MAP2K1: variants seen among roughly 807,000 people sequenced by gnomAD.
MAP2K1 encodes mitogen-activated protein kinase kinase 1, also known as dual specificity mitogen-activated protein kinase kinase 1.
Under a neutral mutation model 46.3 loss-of-function variants are expected in MAP2K1, and 16 were observed. The observed-to-expected ratio is 0.35, with a 90% CI of 0.23 to 0.52. The LOEUF (loss-of-function observed/expected upper bound fraction) is 0.52, where lower values mean the gene tolerates loss of function less well. Ranked by LOEUF, MAP2K1 falls within the 20% of genes least tolerant of loss-of-function variation. The pLI, the probability that MAP2K1 is intolerant of heterozygous loss-of-function variation, is 0.94. For synonymous variants in MAP2K1, 183 were observed against 185.6 expected, an observed-to-expected ratio of 0.99 and a Z score of 0.11; for missense variants, 263 against 497.1, an observed-to-expected ratio of 0.53 and a Z score of 4.48.
chr15:66,476,179 A>G (rs1258313116), intron 5 of MAP2K1, among the ~76,000 whole-genome samples: 2 of 152,186 alleles, frequency 1.3e-5, no homozygotes, highest in African/African-American at 4.8e-5. Context: ...TTCCTAGGGA[A>G]GCTTATGAGC....
chr15:66,443,427 A>G, intron 4 of MAP2K1, 70 bp downstream of exon 4: 1 of 961,942 alleles, frequency 1.0e-6, no homozygotes, highest in Non-Finnish European at 1.7e-6. Flanking sequence ...AGAAATGGAC[A>G]AGAGAGGAAG....
At chr15:66,472,686 A>ATTGTCAG (rs71287022) in intron 5 of MAP2K1, among the ~76,000 whole-genome samples, 8,560 of 152,336 alleles carry the variant, frequency 0.056, 345 homozygotes, top group Middle Eastern at 0.11. Context: ...CTGTCTTTAA[A>ATTGTCAG]TTGTCAAACA....
rs1893252002 is a variant in MAP2K1, at chr15:66,491,379, G to T, written c.*764G>T. 1 of 232,222 alleles carries T rather than the reference G, an allele frequency of 4.3e-6. No individual in the cohort carries two copies. Among genetic ancestry groups the T allele is most frequent in the Non-Finnish European group, 8.5e-6 (1 of 117,398 alleles). The allele number at this position is 232,222 out of a possible 1,614,324, so 14.4% of individuals were successfully genotyped here. On this transcript the variant is annotated 3_prime_UTR_variant, in exon 11 of 11. Transcript: ENST00000307102. ...AATTGATCAAGATATTAAAATGTCG[G>T]ATTTATCTTTCCCCATATCCAAGTA...
At chr15:66,430,077 C>T (rs2093471394) in intron 1 of MAP2K1, among the ~76,000 whole-genome samples, 1 of 152,132 alleles carries the variant, frequency 6.6e-6, no homozygotes, top group Non-Finnish European at 1.5e-5. Context: ...GGTAACTTAC[C>T]CAAGATCTCA....
At chr15:66,408,468 G>A (rs1178065591) in intron 1 of MAP2K1, among the ~76,000 whole-genome samples, 1 of 152,134 alleles carries the variant, frequency 6.6e-6, no homozygotes, top group Admixed American at 6.5e-5. Context: ...TGCCTGACAG[G>A]CCCCACCCAG....
At chr15:66,456,704 A>T (rs1892173651) in intron 5 of MAP2K1, among the ~76,000 whole-genome samples, 1 of 152,156 alleles carries the variant, frequency 6.6e-6, no homozygotes, top group East Asian at 1.9e-4. Flanking sequence ...TGGCTGGACC[A>T]TTCACTGTGT....
At chr15:66,486,172 A>AT (rs1893034710) in intron 7 of MAP2K1, among the ~76,000 whole-genome samples, 3 of 152,328 alleles carry the variant, frequency 2.0e-5, no homozygotes, top group African/African-American at 7.2e-5. Flanking sequence ...AAGTGGTGGG[A>AT]TTATAGGCAT....
chr15:66,469,508 A>C (rs556432093), intron 5 of MAP2K1, among the ~76,000 whole-genome samples: 122 of 93,000 alleles, frequency 1.3e-3, no homozygotes, highest in Non-Finnish European at 1.9e-3. Context: ...TTGTTGAGGA[A>C]CTCCAGGCTA....
At chr15:66,471,650 TA>T (rs1033949293) in intron 5 of MAP2K1, among the ~76,000 whole-genome samples, 5 of 63,962 alleles carry the variant, frequency 7.8e-5, no homozygotes, top group African/African-American at 2.0e-4. Flanking sequence ...GCTCAAACAA[TA>T]AAGATGATTT....
In MAP2K1 at chr15:66,387,329, C is replaced by G. The variant is rs972542026; in HGVS notation, c.-19C>G. 1.9e-6 allele frequency: 3 copies of G among 1,550,976 alleles called. No homozygotes were observed. In the African/African-American group the frequency reaches 4.1e-5, roughly 21 times the overall value. On this transcript the variant is annotated 5_prime_UTR_variant, in exon 1 of 11. Coordinates refer to ENST00000307102, the MANE Select transcript of MAP2K1 (RefSeq NM_002755.4). ...GCTGCCCTCCCCCCGGAGTTGGAAGCGCGTTACCCGGGTCCAAAATGCCCA... is the reference window on the plus strand; with the variant it reads ...GCTGCCCTCCCCCCGGAGTTGGAAGGGCGTTACCCGGGTCCAAAATGCCCA...
chr15:66,413,407 C>T (rs1595846839), intron 1 of MAP2K1, among the ~76,000 whole-genome samples: 1 of 152,292 alleles, frequency 6.6e-6, no homozygotes, highest in East Asian at 1.9e-4. Flanking sequence ...AGACTTAGGG[C>T]AACTAACCTG....
chr15:66,389,572 G>GGT (rs1566992630), intron 1 of MAP2K1, among the ~76,000 whole-genome samples: 1 of 86,968 alleles, frequency 1.1e-5, no homozygotes, highest in Middle Eastern at 8.2e-3. Context: ...CTCTGTTGTG[G>GGT]TTTTTTTTTT....
intron 1 of MAP2K1, among the ~76,000 whole-genome samples, chr15:66,397,841 C>T (rs1331913064): frequency 2.6e-5 from 4 of 152,228 alleles, no homozygotes; most frequent in Non-Finnish European, 4.4e-5. Context: ...CGGTGGCTCA[C>T]GCCTGTAATC....
At chr15:66,475,750 A>T (rs1482029284) in intron 5 of MAP2K1, among the ~76,000 whole-genome samples, 1 of 152,188 alleles carries the variant, frequency 6.6e-6, no homozygotes, top group Non-Finnish European at 1.5e-5. Flanking sequence ...GAACGAGTCC[A>T]CGGGGCCTTG....
intron 1 of MAP2K1, among the ~76,000 whole-genome samples, chr15:66,418,666 A>ATT (rs1254305858): frequency 9.9e-5 from 14 of 142,124 alleles, no homozygotes; most frequent in African/African-American, 2.1e-4. Context: ...TGCTGACCAC[A>ATT]TTTTTTTTTT....
chr15:66,392,928 T>C (rs1243071607), intron 1 of MAP2K1, among the ~76,000 whole-genome samples: 1 of 152,186 alleles, frequency 6.6e-6, no homozygotes, highest in Non-Finnish European at 1.5e-5. Flanking sequence ...GTTCATTATT[T>C]CTCTTGGTTG....
intron 5 of MAP2K1, among the ~76,000 whole-genome samples, chr15:66,469,693 GACACAC>G (rs56197290): frequency 8.2e-5 from 7 of 84,868 alleles, no homozygotes; most frequent in Admixed American, 1.3e-4. Flanking sequence ...TCCTTTTAAA[GACACAC>G]ACACACACAC....
chr15:66,398,919 C>T (rs1394464932), intron 1 of MAP2K1, among the ~76,000 whole-genome samples: 2 of 151,920 alleles, frequency 1.3e-5, no homozygotes, highest in Non-Finnish European at 2.9e-5. Flanking sequence ...ATTACAGGCA[C>T]GTGCTACCAT....
intron 5 of MAP2K1, among the ~76,000 whole-genome samples, chr15:66,459,617 C>CAAA (rs11404258): frequency 3.7e-4 from 53 of 143,214 alleles, no homozygotes; most frequent in South Asian, 3.6e-3. Flanking sequence ...GACACCATCT[C>CAAA]AAAAAAAAAA....
Sources: allele counts gnomAD v4.1 joint callset (sites outside exome capture counted in the v4.1 genomes callset), GRCh38; gene constraint gnomAD v4.1.1; transcripts MANE v1.5; gene names NCBI Gene and HGNC (gene_info 2026-07-23, HGNC 2026-07-21).